The following AGBL1 variants were observed in gnomAD, a reference collection of about 807,000 sequenced individuals.
The protein encoded by AGBL1 is cytosolic carboxypeptidase 4.
In AGBL1, 130 loss-of-function variants were observed where a neutral mutation model predicts 118.9. The ratio of observed to expected loss-of-function variants is 1.09; its 90% CI spans 0.95 to 1.26. AGBL1 has a LOEUF of 1.26. AGBL1 is among the 50% of genes most tolerant of loss of function. The probability of loss-of-function intolerance (pLI) is 0.00; values close to 1 mark genes in which losing one functional copy is unlikely to be tolerated. For missense variants in AGBL1, 1,584 were observed against 1,298.1 expected (o/e 1.22, Z -3.38); for synonymous variants, 555 against 478.9 (o/e 1.16, Z -2.08).
intron 22 of AGBL1, among the ~76,000 whole-genome samples, chr15:86,819,210 G>C (rs2078905555): frequency 1.3e-5 from 2 of 152,120 alleles, no homozygotes; most frequent in African/African-American, 4.8e-5. Context: ...GAGGTCGGTA[G>C]TGATACTAAT....
chr15:86,971,455 A>G (rs910234477), intron 23 of AGBL1, among the ~76,000 whole-genome samples: 22 of 151,966 alleles, frequency 1.4e-4, no homozygotes, highest in African/African-American at 4.6e-4. Flanking sequence ...AATGCTAAAT[A>G]TTGCCTCATT....
At chr15:86,192,483 G>C (rs1017345761) in intron 5 of AGBL1, among the ~76,000 whole-genome samples, 4 of 151,864 alleles carry the variant, frequency 2.6e-5, no homozygotes, top group African/African-American at 7.2e-5. Flanking sequence ...TAAAAAAAAT[G>C]ATAACCTGAC....
rs564467711 is a variant in AGBL1 at position 86,581,369 on chromosome 15, A to G, written c.2994+26832A>G. On this transcript the variant is annotated intron_variant, in intron 21 of 22. Transcript: ENST00000614907. ...CCTTCTTACTTTCCCCTCCTCCCCC[A>G]TTGGCTAATGACAAGATCTGGTGGC... Among the ~76,000 whole-genome samples the G allele has an allele frequency of 1.2e-4, 18 of 152,194 alleles. No homozygotes were observed. In the East Asian group the frequency reaches 3.1e-3, roughly 26 times the overall value.
chr15:86,358,756 A>G (rs187419472), intron 17 of AGBL1, among the ~76,000 whole-genome samples: 1 of 151,830 alleles, frequency 6.6e-6, no homozygotes, highest in Admixed American at 6.6e-5. Context: ...TTTAATTTGC[A>G]TTTTTCTGAT....
chr15:86,640,622 C>A (rs1206069344), intron 21 of AGBL1, among the ~76,000 whole-genome samples: 3 of 151,942 alleles, frequency 2.0e-5, no homozygotes, highest in Non-Finnish European at 1.5e-5. Flanking sequence ...CAAGTTTAAC[C>A]ATTTCTCTAC....
intron 17 of AGBL1, among the ~76,000 whole-genome samples, chr15:86,321,774 C>T (rs1398016658): frequency 9.5e-6 from 1 of 104,828 alleles, no homozygotes; most frequent in Non-Finnish European, 2.1e-5. Context: ...GAGACTCTGT[C>T]TCAAAAAAAA....
intron 16 of AGBL1, among the ~76,000 whole-genome samples, chr15:86,291,350 A>G (rs1010398423): frequency 3.4e-5 from 5 of 147,786 alleles, no homozygotes; most frequent in Non-Finnish European, 7.5e-5. Flanking sequence ...TATATGTACA[A>G]TGGGTTTATT....
intron 21 of AGBL1, among the ~76,000 whole-genome samples, chr15:86,644,851 C>CAAAAAAAAAAAA (rs11434077): frequency 1.7e-4 from 17 of 99,556 alleles, no homozygotes; most frequent in South Asian, 3.7e-4. Flanking sequence ...ACTAAAAATA[C>CAAAAAAAAAAAA]AAAAAAAAAA....
At chr15:86,686,107 T>A (rs1002320283) in intron 22 of AGBL1, among the ~76,000 whole-genome samples, 2 of 152,170 alleles carry the variant, frequency 1.3e-5, no homozygotes, top group East Asian at 3.9e-4. Context: ...CTAGAAAAAG[T>A]GAAAGAAACT....
Position 86,264,800 on chromosome 15 carries a change from C to A in AGBL1, c.1629C>A (p.Thr543=), listed in dbSNP as rs2079047748. ...TCTGGGGACACTGTCCCCCTCCCAC[C>A]ACCCAGCCTATGTTGGAACGAAAAT... The part of the protein sequence containing the change: ...PDVWGHCPPP[T]TQPMLERKCG... Residue 543 remains threonine, a synonymous_variant, in exon 11 of 23, where the codon ACC becomes ACA. Coordinates refer to ENST00000614907, the MANE Select transcript of AGBL1 (RefSeq NM_001386094.1). 1 of 1,613,044 alleles carries A rather than the reference C, an allele frequency of 6.2e-7. No individual in the cohort carries two copies. The highest frequency in any genetic ancestry group is 2.2e-5 in the East Asian group (1 of 44,886).
chr15:86,673,552 T>C (rs1488043210), intron 21 of AGBL1, among the ~76,000 whole-genome samples: 2 of 152,200 alleles, frequency 1.3e-5, no homozygotes, highest in Non-Finnish European at 2.9e-5. Flanking sequence ...TCTCCTTATC[T>C]GTAGAATGGA....
intron 23 of AGBL1, among the ~76,000 whole-genome samples, chr15:86,981,603 G>C (rs1019851755): frequency 4.6e-5 from 7 of 152,144 alleles, no homozygotes; most frequent in African/African-American, 1.7e-4. Context: ...CATAGATTTT[G>C]ATTGTTTTTC....
Position 86,861,630 on chromosome 15 carries a change from G to A in AGBL1, c.3159-45457G>A, listed in dbSNP as rs142735673. Among the ~76,000 whole-genome samples, 1,097 of 152,276 alleles carry A rather than the reference G, an allele frequency of 7.2e-3. 13 individuals are homozygous for A. Among genetic ancestry groups the A allele is most frequent in the South Asian group, 0.025 (120 of 4,820 alleles). Reference sequence around the variant, plus strand: ...ATAATGATGTTATCTACTTCACAGAGCTGTTGTAAGGATAAAACAATATAT... The same window carrying A: ...ATAATGATGTTATCTACTTCACAGAACTGTTGTAAGGATAAAACAATATAT... On this transcript the variant is annotated intron_variant, in intron 22 of 22. Coordinates refer to ENST00000614907, the MANE Select transcript of AGBL1 (RefSeq NM_001386094.1).
At chr15:86,707,043 A>T (rs1011046378) in intron 22 of AGBL1, among the ~76,000 whole-genome samples, 1 of 152,134 alleles carries the variant, frequency 6.6e-6, no homozygotes, top group Admixed American at 6.6e-5. Flanking sequence ...TATAATGTGA[A>T]CAACTCAACA....
At chr15:86,354,312 T>A (rs1175744748) in intron 17 of AGBL1, among the ~76,000 whole-genome samples, 2 of 152,226 alleles carry the variant, frequency 1.3e-5, no homozygotes, top group African/African-American at 4.8e-5. Flanking sequence ...AGGCATTCGA[T>A]GGTTCATGGT....
rs188661246 is a variant in AGBL1, at chr15:86,129,936, A to G, written c.52-12068A>G. ...GAATGCTGGGATACCTTTACACCCC[A>G]GAGACTCCTGGCTAACATATGTGAA... On this transcript the variant is annotated intron_variant, in intron 1 of 22. Transcript: ENST00000614907. Among the ~76,000 whole-genome samples, 503 of 152,300 alleles carry G rather than the reference A, an allele frequency of 3.3e-3. 3 individuals are homozygous for G. The highest frequency in any genetic ancestry group is 0.017 in the Middle Eastern group (5 of 294).
chr15:86,221,084 G>C (rs888297336), intron 5 of AGBL1, among the ~76,000 whole-genome samples: 3 of 152,156 alleles, frequency 2.0e-5, no homozygotes, highest in East Asian at 1.9e-4. Context: ...TGTAATCCCA[G>C]CTACCTGGGA....
At chr15:86,973,271 G>A (rs958558991) in intron 23 of AGBL1, among the ~76,000 whole-genome samples, 15 of 152,016 alleles carry the variant, frequency 9.9e-5, no homozygotes, top group African/African-American at 3.4e-4. Context: ...CATGTGAACA[G>A]TATCATCTTC....
At chr15:86,194,355 C>T (rs951149861) in intron 5 of AGBL1, among the ~76,000 whole-genome samples, 3 of 152,198 alleles carry the variant, frequency 2.0e-5, no homozygotes, top group Non-Finnish European at 2.9e-5. Flanking sequence ...AAGAGTGATG[C>T]CTGCTACTAG....
Sources: gnomAD v4.1 joint callset for allele counts (sites outside exome capture counted in the v4.1 genomes callset) on GRCh38, gnomAD v4.1.1 for gene constraint, MANE v1.5 for transcripts, NCBI Gene and HGNC (gene_info 2026-07-23, HGNC 2026-07-21) for gene names.